CSNK2A1: variants seen among roughly 807,000 people sequenced by gnomAD.
The protein encoded by CSNK2A1 is casein kinase II subunit alpha.
A neutral mutation model predicts 62.9 loss-of-function variants in CSNK2A1; 10 were observed. That is an observed-to-expected ratio of 0.16 (90% confidence interval 0.10 to 0.27). The LOEUF is 0.27. Among genes scored for constraint, CSNK2A1 ranks in the 10% least tolerant of loss-of-function variants. CSNK2A1 has a pLI of 1.00. For synonymous variants in CSNK2A1, 124 were observed against 167.8 expected (o/e 0.74, Z 2.02); for missense variants, 160 against 492.0 (o/e 0.33, Z 6.38).
intron 1 of CSNK2A1, among the ~76,000 whole-genome samples, chr20:528,670 C>T (rs2019148968): frequency 6.6e-6 from 1 of 151,900 alleles, no homozygotes; most frequent in Non-Finnish European, 1.5e-5. Context: ...TTATGTTACC[C>T]AGGCTGGTCT....
At chr20:504,393 C>T (rs916340078) in intron 4 of CSNK2A1, 1 of 152,096 alleles carries the variant, frequency 6.6e-6, no homozygotes, top group African/African-American at 2.4e-5. Context: ...ATGCTAAGTT[C>T]CCAATATATG....
At chr20:539,550 G>C (rs2019405249) in intron 1 of CSNK2A1, 1 of 152,120 alleles carries the variant, frequency 6.6e-6, no homozygotes, top group Non-Finnish European at 1.5e-5. Context: ...TATGTGAGTA[G>C]AATAAACCCA....
chr20:476,798 T>C lies in CSNK2A1; in HGVS notation c.*7163A>G, dbSNP rs1262462185. 2 of 152,296 alleles carry C rather than the reference T, an allele frequency of 1.3e-5. No homozygotes were observed. The highest frequency in any genetic ancestry group is 2.9e-5 in the Non-Finnish European group (2 of 68,116). The allele number at this position is 152,296 out of a possible 1,614,324, so 9.4% of individuals were successfully genotyped here. ...GTTTCCCAGACCGGCCTTGAATTCC[T>C]GAGCTCAAGTGAGTCGCCCGCCTCC... is the stretch of plus-strand genomic sequence containing the variant. On this transcript the variant is annotated 3_prime_UTR_variant, in exon 14 of 14. Transcript: ENST00000217244.
rs2017909302 is a variant in CSNK2A1 at position 479,269 on chromosome 20, G to C, written c.*4692C>G. The C allele has an allele frequency of 6.6e-6, 1 of 152,146 alleles. No individual in the cohort carries two copies. Among genetic ancestry groups the C allele is most frequent in the East Asian group, 1.9e-4 (1 of 5,196 alleles). The allele number at this position is 152,146 out of a possible 1,614,324, so 9.4% of individuals were successfully genotyped here. A position where few individuals can be genotyped will look rare whatever the true frequency, so the allele number is the denominator to read the frequency against. ...AATTTAGAAGAGAAACCAACATTTG[G>C]TGTAACTCTACCATATACCAGGCAT... is the stretch of plus-strand genomic sequence containing the variant. On this transcript the variant is annotated 3_prime_UTR_variant, in exon 14 of 14. Transcript: ENST00000217244.
intron 12 of CSNK2A1, chr20:486,703 G>A (rs1457694681): frequency 2.1e-6 from 1 of 482,060 alleles, no homozygotes. Context: ...GAAAGATGAG[G>A]TAATTATTTA....
chr20:508,186 G>A (rs1365574883), intron 3 of CSNK2A1: 1 of 340,686 alleles, frequency 2.9e-6, no homozygotes, highest in Non-Finnish European at 5.4e-6. Context: ...GTTATGTGGT[G>A]CACGACTGCA....
chr20:490,335 C>CTTTTCTTTTT (rs1430310808), intron 9 of CSNK2A1, among the ~76,000 whole-genome samples: 4 of 84,802 alleles, frequency 4.7e-5, no homozygotes, highest in African/African-American at 2.2e-4. Flanking sequence ...CTAGTTTTTT[C>CTTTTCTTTTT]TTTTTTTTTT....
At chr20:495,022 C>T (rs1305955315) in intron 8 of CSNK2A1, 1 of 152,000 alleles carries the variant, frequency 6.6e-6, no homozygotes, top group African/African-American at 2.4e-5. Context: ...CTTTCTATCC[C>T]ACCAGCCTCC....
chr20:526,058 C>T (rs1008875143), intron 2 of CSNK2A1, among the ~76,000 whole-genome samples: 1 of 151,912 alleles, frequency 6.6e-6, no homozygotes, highest in Non-Finnish European at 1.5e-5. Flanking sequence ...AAATTAAGAA[C>T]TTACACATAT....
At chr20:508,689 G>C in intron 2 of CSNK2A1, 29 bp from the exon 3 acceptor site, 1 of 713,040 alleles carries the variant, frequency 1.4e-6, no homozygotes, top group East Asian at 2.8e-5. Flanking sequence ...CAAAGTCCAA[G>C]GAATCATTTA....
intron 13 of CSNK2A1, among the ~76,000 whole-genome samples, chr20:485,223 A>G (rs1371737375): frequency 2.8e-5 from 4 of 144,270 alleles, no homozygotes; most frequent in Non-Finnish European, 6.0e-5. Flanking sequence ...TCTCACTCTC[A>G]CCCAGGCTGG....
chr20:525,316 A>C (rs2019056229), intron 2 of CSNK2A1, among the ~76,000 whole-genome samples: 1 of 151,842 alleles, frequency 6.6e-6, no homozygotes, highest in Non-Finnish European at 1.5e-5. Flanking sequence ...GTTCGAGACC[A>C]GCCTGGGCAA....
chr20:492,895 T>C lies in CSNK2A1; in HGVS notation c.511-531A>G, dbSNP rs374126501. 7.9e-4 allele frequency among the ~76,000 whole-genome samples: 121 copies of C among 152,228 alleles called. 2 individuals carry two copies. In the South Asian group the frequency reaches 0.024, roughly 30 times the overall value. On this transcript the variant is annotated intron_variant, in intron 8 of 13. Coordinates refer to ENST00000217244, the MANE Select transcript of CSNK2A1 (RefSeq NM_177559.3). Reference sequence around the variant, plus strand: ...GAAAAATGAATAAATATTTGCTGGATAGATGAAATAACAGAAAAGTCATAC... The same window carrying C: ...GAAAAATGAATAAATATTTGCTGGACAGATGAAATAACAGAAAAGTCATAC...
chr20:506,023 C>A (rs1293923930), intron 3 of CSNK2A1: 2 of 151,866 alleles, frequency 1.3e-5, no homozygotes. Flanking sequence ...CTACAGGCGC[C>A]CACCACCACG....
chr20:518,301 T>C (rs2018868635), intron 2 of CSNK2A1, among the ~76,000 whole-genome samples: 1 of 152,204 alleles, frequency 6.6e-6, no homozygotes, highest in Non-Finnish European at 1.5e-5. Context: ...ACAAAAAGTC[T>C]AATAGGAGGC....
At position 479,867 on chromosome 20, in the gene CSNK2A1, C is replaced by T. The variant is rs532536363; in HGVS notation, c.*4094G>A. ...ATCAACATGATGCCTAAAGTAAATG[C>T]TATTTGGAATATTTCAAATTTCAGA... On this transcript the variant is annotated 3_prime_UTR_variant, in exon 14 of 14. Transcript: ENST00000217244. 6.6e-6 allele frequency: 1 copy of T among 152,172 alleles called. No individual in the cohort carries two copies. The highest frequency in any genetic ancestry group is 2.1e-4 in the South Asian group (1 of 4,830). 9.4% of individuals were successfully genotyped at this position (152,172 alleles called of 1,614,324 possible). A position where few individuals can be genotyped will look rare whatever the true frequency, so the allele number is the denominator to read the frequency against.
rs1197678638 is a variant in CSNK2A1 at position 527,001 on chromosome 20, C to CAGACAGAGAGAGAGAGAGAG, written c.-110+931_-110+932insCTCTCTCTCTCTCTCTGTCT. 214 of 97,860 alleles carry CAGACAGAGAGAGAGAGAGAG rather than the reference C, an allele frequency of 2.2e-3. 4 individuals are homozygous for CAGACAGAGAGAGAGAGAGAG. Among genetic ancestry groups the CAGACAGAGAGAGAGAGAGAG allele is most frequent in the South Asian group, 3.7e-3 (9 of 2,440 alleles). 6.1% of individuals were successfully genotyped at this position (97,860 alleles called of 1,614,324 possible). On this transcript the variant is annotated intron_variant, in intron 2 of 13. Transcript: ENST00000217244. The stretch of plus-strand genomic sequence containing the variant: ...AGAGAGAGAAAGAGAGAGAGACAGA[C>CAGACAGAGAGAGAGAGAGAG]AGAGAGAGAGAGAGAGAGAGAGAGA...
chr20:535,587 C>T (rs2019301871), intron 1 of CSNK2A1, among the ~76,000 whole-genome samples: 1 of 152,056 alleles, frequency 6.6e-6, no homozygotes, highest in Admixed American at 6.6e-5. Flanking sequence ...GACACCCCGC[C>T]TCTACTAAAA....
intron 8 of CSNK2A1, chr20:494,712 C>T (rs1370951020): frequency 3.3e-5 from 5 of 152,234 alleles, no homozygotes; most frequent in African/African-American, 9.6e-5. Context: ...TAAGGTTTTA[C>T]ATGATTTGGT....
Sources: allele counts gnomAD v4.1 joint callset (sites outside exome capture counted in the v4.1 genomes callset), GRCh38; gene constraint gnomAD v4.1.1; transcripts MANE v1.5; gene names NCBI Gene and HGNC (gene_info 2026-07-23, HGNC 2026-07-21).